CCNY: variants seen among roughly 807,000 people sequenced by gnomAD.
The protein encoded by CCNY is cyclin-Y.
A neutral mutation model predicts 42.8 loss-of-function variants in CCNY; 19 were observed. That is an observed-to-expected ratio of 0.44 (90% CI 0.31 to 0.65). The LOEUF is 0.65. Ranked by LOEUF, CCNY falls within the 30% of genes least tolerant of loss-of-function variation. The probability of loss-of-function intolerance (pLI) is 0.07; values close to 1 mark genes in which losing one functional copy is unlikely to be tolerated. For missense variants in CCNY, 370 were observed against 437.3 expected (o/e 0.85, Z 1.37); for synonymous variants, 165 against 162.7 (o/e 1.01, Z -0.11).
At chr10:35,459,598 A>G (rs572261466) in intron 1 of CCNY, among the ~76,000 whole-genome samples, 3 of 152,190 alleles carry the variant, frequency 2.0e-5, no homozygotes, top group African/African-American at 7.2e-5. Flanking sequence ...ACAAGGTGGG[A>G]CCCTGTCTTA....
At chr10:35,531,143 A>C (rs777538422) in intron 7 of CCNY, among the ~76,000 whole-genome samples, 41 of 152,238 alleles carry the variant, frequency 2.7e-4, no homozygotes, top group Non-Finnish European at 4.9e-4. Flanking sequence ...TGGGAAATAG[A>C]TTTAACAATG....
rs192117525 is a variant in CCNY at position 35,323,359 on chromosome 10, T to C, written c.-9+72733T>C. ...ATGTTCATAATGGCTTTATTCATAA[T>C]AGACAAAACTGGACAAAGCCTAAAT... On this transcript the variant is annotated intron_variant, in intron 3 of 11. Transcript: ENST00000374706. Among the ~76,000 whole-genome samples, 486 of 152,318 alleles carry C rather than the reference T, an allele frequency of 3.2e-3. 1 individual carries two copies. The highest frequency in any genetic ancestry group is 0.011 in the African/African-American group (467 of 41,568).
intron 3 of CCNY, among the ~76,000 whole-genome samples, chr10:35,265,368 G>T (rs993365432): frequency 1.3e-5 from 2 of 152,218 alleles, no homozygotes. Context: ...GAAGATTAGT[G>T]TTCTTTTTAA....
intron 3 of CCNY, among the ~76,000 whole-genome samples, chr10:35,513,636 T>C (rs1840367003): frequency 1.3e-5 from 2 of 152,158 alleles, no homozygotes; most frequent in Non-Finnish European, 2.9e-5. Context: ...CATTTTCATC[T>C]CTGTTTTACA....
chr10:35,330,763 T>A (rs966950397), intron 3 of CCNY, among the ~76,000 whole-genome samples: 12 of 151,908 alleles, frequency 7.9e-5, no homozygotes, highest in South Asian at 4.1e-4. Context: ...TTTATTTTTT[T>A]TTTTTTTTTG....
chr10:35,521,316 C>T (rs1315502461), intron 4 of CCNY, among the ~76,000 whole-genome samples: 1 of 152,218 alleles, frequency 6.6e-6, no homozygotes, highest in Non-Finnish European at 1.5e-5. Flanking sequence ...AAGTTGGGCA[C>T]TCCGGGTCCC....
intron 4 of CCNY, among the ~76,000 whole-genome samples, chr10:35,522,537 A>G: frequency 6.6e-6 from 1 of 152,134 alleles, no homozygotes; most frequent in South Asian, 2.1e-4. Context: ...GCCAAATGAG[A>G]GTCAGTATGT....
intron 3 of CCNY, among the ~76,000 whole-genome samples, chr10:35,270,818 C>T (rs937897783): frequency 5.3e-5 from 8 of 150,092 alleles, no homozygotes; most frequent in Admixed American, 6.6e-5. Flanking sequence ...CTCTGCCTCC[C>T]GGGTTCATGC....
chr10:35,408,794 G>C (rs1483549732), intron 1 of CCNY, among the ~76,000 whole-genome samples: 1 of 152,028 alleles, frequency 6.6e-6, no homozygotes, highest in Non-Finnish European at 1.5e-5. Flanking sequence ...AAGAGAAAAA[G>C]AACAAAAAAA....
intron 1 of CCNY, among the ~76,000 whole-genome samples, chr10:35,415,311 A>C (rs1208325934): frequency 6.7e-6 from 1 of 149,742 alleles, no homozygotes; most frequent in East Asian, 2.0e-4. Context: ...GTTTCTCAGA[A>C]GAGATAGAGC....
intron 3 of CCNY, among the ~76,000 whole-genome samples, chr10:35,270,749 A>G (rs1835154712): frequency 2.2e-5 from 3 of 135,938 alleles, no homozygotes. Flanking sequence ...TTTTTGAGAC[A>G]GAGTCTTGCT....
At chr10:35,548,190 A>G (rs1841157647) in intron 7 of CCNY, among the ~76,000 whole-genome samples, 2 of 151,538 alleles carry the variant, frequency 1.3e-5, no homozygotes, top group African/African-American at 2.4e-5. Context: ...TGTTATATGT[A>G]TGCTATACTG....
At chr10:35,307,815 T>C (rs1260750603) in intron 3 of CCNY, among the ~76,000 whole-genome samples, 1 of 74,528 alleles carries the variant, frequency 1.3e-5, no homozygotes, top group African/African-American at 4.5e-5. Flanking sequence ...TATATATATA[T>C]ATATTTTTTT....
chr10:35,543,525 A>G (rs1841047387), intron 7 of CCNY, among the ~76,000 whole-genome samples: 1 of 150,362 alleles, frequency 6.7e-6, no homozygotes, highest in African/African-American at 2.4e-5. Flanking sequence ...AGCGTATCCT[A>G]GGTTTCAGGT....
intron 1 of CCNY, among the ~76,000 whole-genome samples, chr10:35,443,213 T>G (rs1838713184): frequency 6.6e-6 from 1 of 152,232 alleles, no homozygotes. Flanking sequence ...TTGCAAACAG[T>G]GTACACCTAG....
chr10:35,451,319 G>C (rs1838911002), intron 1 of CCNY, among the ~76,000 whole-genome samples: 2 of 152,194 alleles, frequency 1.3e-5, no homozygotes, highest in African/African-American at 4.8e-5. Context: ...GGGTGTAGTT[G>C]TTTTGCTTGG....
At chr10:35,270,844 G>A (rs1835155926) in intron 3 of CCNY, among the ~76,000 whole-genome samples, 2 of 150,210 alleles carry the variant, frequency 1.3e-5, no homozygotes, top group African/African-American at 4.9e-5. Flanking sequence ...TCCTGCCTCA[G>A]CCTCCCAAGT....
At chr10:35,338,237 C>G (rs1836095327) in intron 1 of CCNY, among the ~76,000 whole-genome samples, 1 of 152,194 alleles carries the variant, frequency 6.6e-6, no homozygotes, top group Non-Finnish European at 1.5e-5. Context: ...GGAAGATTCT[C>G]TCCACTGTGG....
At chr10:35,321,586 G>A (rs1835822391) in intron 3 of CCNY, among the ~76,000 whole-genome samples, 1 of 152,106 alleles carries the variant, frequency 6.6e-6, no homozygotes, top group African/African-American at 2.4e-5. Flanking sequence ...GCTGAGACAG[G>A]AGGATTGCTT....
Sources: gnomAD v4.1 joint callset for allele counts (sites outside exome capture counted in the v4.1 genomes callset) on GRCh38, gnomAD v4.1.1 for gene constraint, MANE v1.5 for transcripts, NCBI Gene and HGNC (gene_info 2026-07-23, HGNC 2026-07-21) for gene names.